GALNT16: variants seen among roughly 807,000 people sequenced by gnomAD.
GALNT16 encodes the protein UDP-GalNAc:polypeptide N-acetylgalactosaminyltransferase-like protein 1.
In GALNT16, 40 loss-of-function variants were observed where a neutral mutation model predicts 76.1. That is an observed-to-expected ratio of 0.53 (90% confidence interval 0.41 to 0.68). The LOEUF is 0.68. Ranked by LOEUF, GALNT16 falls within the 30% of genes least tolerant of loss-of-function variation. The pLI is 0.00. For synonymous variants in GALNT16, 276 were observed against 285.2 expected (o/e 0.97, Z 0.32); for missense variants, 621 against 731.9 (o/e 0.85, Z 1.75).
At chr14:69,325,166 C>A (rs145384541) in intron 3 of GALNT16, among the ~76,000 whole-genome samples, 171 bp from the exon 4 acceptor site, 1 of 152,106 alleles carries the variant, frequency 6.6e-6, no homozygotes, top group African/African-American at 2.4e-5. Flanking sequence ...AGTTGAACTC[C>A]CATCTCCCCA....
At chr14:69,378,898 A>G in the GALNT16 span, among the ~76,000 whole-genome samples, 7 of 152,238 alleles carry the variant, frequency 4.6e-5, no homozygotes, top group South Asian at 1.4e-3. Flanking sequence ...CAATCAGATT[A>G]CTTTTGGATC....
intron 1 of GALNT16, among the ~76,000 whole-genome samples, chr14:69,292,714 A>C (rs2044702595): frequency 6.6e-6 from 1 of 152,234 alleles, no homozygotes; most frequent in Non-Finnish European, 1.5e-5. Context: ...ATCTACTTAA[A>C]GCACCTCATC....
intron 1 of GALNT16, among the ~76,000 whole-genome samples, chr14:69,306,504 C>T (rs2044936476): frequency 6.6e-6 from 1 of 152,144 alleles, no homozygotes; most frequent in Non-Finnish European, 1.5e-5. Context: ...TATTGTAAAT[C>T]GTTGCTAAAT....
At chr14:69,332,963 AG>A in intron 7 of GALNT16, 121 bp from the exon 8 acceptor site, 1 of 743,898 alleles carries the variant, frequency 1.3e-6, no homozygotes, top group East Asian at 2.5e-5. Flanking sequence ...CGAATGAAGG[AG>A]GGACTGCACG....
chr14:69,285,435 G>A (rs1321848230), intron 1 of GALNT16, among the ~76,000 whole-genome samples: 3 of 110,902 alleles, frequency 2.7e-5, no homozygotes, highest in Non-Finnish European at 5.7e-5. Flanking sequence ...CCTCTAAAAT[G>A]TGTAGTGTCA....
At chr14:69,320,616 C>A in intron 1 of GALNT16, 95 bp from the exon 2 acceptor site, 1 of 1,092,042 alleles carries the variant, frequency 9.2e-7, no homozygotes, top group Non-Finnish European at 1.3e-6. Flanking sequence ...CAAATGAGGC[C>A]ACGTGGCTGG....
the GALNT16 span, among the ~76,000 whole-genome samples, chr14:69,377,146 A>G: frequency 1.3e-5 from 2 of 152,240 alleles, no homozygotes; most frequent in African/African-American, 4.8e-5. Flanking sequence ...GTGCCAAGTA[A>G]GACCTCTTCA....
intron 1 of GALNT16, among the ~76,000 whole-genome samples, chr14:69,281,215 C>T (rs932775559): frequency 6.6e-6 from 1 of 152,192 alleles, no homozygotes; most frequent in African/African-American, 2.4e-5. Context: ...CTGTGTGTCA[C>T]ACCCAGACCA....
chr14:69,372,470 G>A, the GALNT16 span, among the ~76,000 whole-genome samples: 19 of 143,762 alleles, frequency 1.3e-4, 1 homozygote. Flanking sequence ...ATACATAATT[G>A]TCTTAGTAGT....
chr14:69,307,894 C>T lies in GALNT16; in HGVS notation c.178-12817C>T, dbSNP rs1278763507. Among the ~76,000 whole-genome samples the T allele has an allele frequency of 2.6e-5, 4 of 152,188 alleles. No individual in the cohort carries two copies. The East Asian group carries it at 7.7e-4, about 29-fold the overall frequency. ...AAGGCTTGGCTTCTCGGCCCCCACC[C>T]CCAGTCCCACCCTGTTTTCAACTGT... On this transcript the variant is annotated intron_variant, in intron 1 of 14. Coordinates refer to ENST00000448469, the MANE Select transcript of GALNT16 (RefSeq NM_001168368.2).
At chr14:69,368,136 C>A in the GALNT16 span, among the ~76,000 whole-genome samples, 7 of 152,138 alleles carry the variant, frequency 4.6e-5, no homozygotes, top group Non-Finnish European at 1.0e-4. Flanking sequence ...TATTCTTTAT[C>A]AGCCAAAACC....
chr14:69,282,451 T>C (rs1169887220), intron 1 of GALNT16, among the ~76,000 whole-genome samples: 1 of 152,088 alleles, frequency 6.6e-6, no homozygotes, highest in Non-Finnish European at 1.5e-5. Flanking sequence ...CATGGTTGGC[T>C]CCTCTCTCCA....
At chr14:69,371,528 T>C in the GALNT16 span, among the ~76,000 whole-genome samples, 1 of 151,860 alleles carries the variant, frequency 6.6e-6, no homozygotes, top group African/African-American at 2.4e-5. Context: ...AGTGCTGGGA[T>C]TACAGGCGTT....
intron 1 of GALNT16, among the ~76,000 whole-genome samples, chr14:69,296,728 TGATA>T (rs141440096): frequency 0.085 from 12,043 of 141,916 alleles, 597 homozygotes; most frequent in Middle Eastern, 0.12. Context: ...GACAGATAGA[TGATA>T]GATAGATAGA....
intron 1 of GALNT16, among the ~76,000 whole-genome samples, chr14:69,308,658 G>C (rs964332905): frequency 2.0e-5 from 3 of 152,138 alleles, no homozygotes; most frequent in Non-Finnish European, 2.9e-5. Flanking sequence ...CTAATGCCTA[G>C]AAATATAAGG....
At chr14:69,300,474 G>A (rs934849826) in intron 1 of GALNT16, among the ~76,000 whole-genome samples, 6 of 152,168 alleles carry the variant, frequency 3.9e-5, no homozygotes, top group African/African-American at 7.2e-5. Context: ...GGGAGCCCAG[G>A]CAGCATTCTC....
the GALNT16 span, among the ~76,000 whole-genome samples, chr14:69,385,547 C>T: frequency 1.3e-5 from 2 of 151,114 alleles, no homozygotes; most frequent in African/African-American, 4.9e-5. Flanking sequence ...CATCAGCCTG[C>T]AAACTTACCA....
rs190315821 is a variant in GALNT16, at chr14:69,350,188, G to C, written c.1540-1843G>C. ...GATCGTGTCACTGCACTCCTGCCTG[G>C]GTGACAGAGCGAGACTCAGTCTCAA... On this transcript the variant is annotated intron_variant, in intron 14 of 14. Transcript: ENST00000448469. The C allele has an allele frequency of 6.6e-5, 10 of 152,308 alleles. No homozygotes were observed. The East Asian group carries it at 1.9e-3, about 29-fold the overall frequency. 9.4% of individuals were successfully genotyped at this position (152,308 alleles called of 1,614,324 possible). A position where few individuals can be genotyped will look rare whatever the true frequency, so the allele number is the denominator to read the frequency against.
intron 1 of GALNT16, among the ~76,000 whole-genome samples, chr14:69,309,370 A>C (rs2044983021): frequency 6.6e-6 from 1 of 150,912 alleles, no homozygotes. Flanking sequence ...TGGTACGATC[A>C]TAACTTATTG....
Sources: gnomAD v4.1 joint callset for allele counts (sites outside exome capture counted in the v4.1 genomes callset) on GRCh38, gnomAD v4.1.1 for gene constraint, MANE v1.5 for transcripts, NCBI Gene and HGNC (gene_info 2026-07-23, HGNC 2026-07-21) for gene names.